SEMA3A: variants seen among roughly 807,000 people sequenced by gnomAD.
The protein encoded by SEMA3A is semaphorin-3A.
In SEMA3A, 29 loss-of-function variants were observed where a neutral mutation model predicts 97.9. That is an observed-to-expected ratio of 0.30 (90% confidence interval 0.22 to 0.40). The LOEUF (loss-of-function observed/expected upper bound fraction) is 0.40, where lower values mean the gene tolerates loss of function less well. Ranked by LOEUF, SEMA3A falls within the 10% of genes least tolerant of loss-of-function variation. The pLI is 1.00. For synonymous variants in SEMA3A, 321 were observed against 323.7 expected, an observed-to-expected ratio of 0.99 and a Z score of 0.09; for missense variants, 763 against 951.3, an observed-to-expected ratio of 0.80 and a Z score of 2.60.
chr7:84,267,050 A>C (rs2115685910), intron 3 of SEMA3A, among the ~76,000 whole-genome samples: 1 of 152,296 alleles, frequency 6.6e-6, no homozygotes, highest in South Asian at 2.1e-4. Context: ...CATACACGTT[A>C]CTAAGCACAC....
At chr7:84,404,018 C>G (rs1315901457) in intron 1 of SEMA3A, among the ~76,000 whole-genome samples, 1 of 152,158 alleles carries the variant, frequency 6.6e-6, no homozygotes, top group Admixed American at 6.5e-5. Context: ...CAGCTCCTCA[C>G]CAGCAACAGA....
intron 1 of SEMA3A, among the ~76,000 whole-genome samples, chr7:84,405,425 G>C (rs1214395338): frequency 6.6e-6 from 1 of 152,134 alleles, no homozygotes; most frequent in Non-Finnish European, 1.5e-5. Context: ...AAGAGACTTA[G>C]ACTCCCACAC....
At chr7:84,210,759 A>C (rs1798606878) in intron 3 of SEMA3A, among the ~76,000 whole-genome samples, 1 of 151,508 alleles carries the variant, frequency 6.6e-6, no homozygotes. Context: ...AAAGGTATTT[A>C]TTATTTACAC....
At chr7:84,137,162 A>G (rs2116055488) in intron 1 of SEMA3A, among the ~76,000 whole-genome samples, 1 of 152,184 alleles carries the variant, frequency 6.6e-6, no homozygotes, top group Middle Eastern at 3.4e-3. Flanking sequence ...GCACTTTGGT[A>G]GTCCAAGGCG....
intron 1 of SEMA3A, among the ~76,000 whole-genome samples, chr7:84,411,085 G>T (rs772754413): frequency 2.6e-5 from 4 of 151,932 alleles, no homozygotes; most frequent in Non-Finnish European, 5.9e-5. Context: ...CTGTGTGTGG[G>T]TATATGTTTA....
At chr7:84,356,364 A>G (rs1009303525) in intron 2 of SEMA3A, among the ~76,000 whole-genome samples, 1 of 151,582 alleles carries the variant, frequency 6.6e-6, no homozygotes, top group Admixed American at 6.6e-5. Flanking sequence ...CAATAATGAA[A>G]TCCAAAATTA....
chr7:84,110,698 T>G (rs1358536972), intron 3 of SEMA3A, 109 bp from the exon 4 acceptor site: 1 of 1,299,260 alleles, frequency 7.7e-7, no homozygotes, highest in African/African-American at 1.5e-5. Context: ...TCTTTCTTTT[T>G]TTTTTTTTGG....
At chr7:84,266,680 G>A (rs1298733184) in intron 3 of SEMA3A, among the ~76,000 whole-genome samples, 1 of 152,108 alleles carries the variant, frequency 6.6e-6, no homozygotes, top group African/African-American at 2.4e-5. Context: ...GAAGGAAATC[G>A]CTTTAGCTGG....
intron 1 of SEMA3A, among the ~76,000 whole-genome samples, chr7:84,481,571 T>A (rs1195403287): frequency 6.6e-6 from 1 of 152,186 alleles, no homozygotes; most frequent in Non-Finnish European, 1.5e-5. Flanking sequence ...AAAAGGAATA[T>A]GAAATAATTG....
intron 3 of SEMA3A, among the ~76,000 whole-genome samples, chr7:84,224,803 C>T (rs755369099): frequency 2.0e-5 from 3 of 151,976 alleles, no homozygotes; most frequent in Non-Finnish European, 2.9e-5. Flanking sequence ...TATAGACAGA[C>T]CTTTTTCCCA....
chr7:84,178,883 T>A (rs1454452919), intron 1 of SEMA3A, among the ~76,000 whole-genome samples: 1 of 152,156 alleles, frequency 6.6e-6, no homozygotes, highest in African/African-American at 2.4e-5. Context: ...CAGATGCTGG[T>A]GACACTTTCT....
At position 84,187,494 on chromosome 7, in the gene SEMA3A, C is replaced by A. The variant is rs2116256672; in HGVS notation, c.112+6981G>T. Among the ~76,000 whole-genome samples the A allele has an allele frequency of 1.3e-5, 2 of 152,176 alleles. 1 individual carries two copies. The highest frequency in any genetic ancestry group is 1.3e-4 in the Admixed American group (2 of 15,246). On this transcript the variant is annotated intron_variant, in intron 1 of 16. Coordinates refer to ENST00000265362, the MANE Select transcript of SEMA3A (RefSeq NM_006080.3). ...ATGTTTCCTATCTCTTAGCTGCAGA[C>A]TAACAAATATGACCTGGATATTTTC...
intron 5 of SEMA3A, among the ~76,000 whole-genome samples, chr7:84,048,867 C>G (rs998436411): frequency 1.8e-4 from 28 of 151,804 alleles, no homozygotes; most frequent in African/African-American, 6.5e-4. Flanking sequence ...AAAGTCTATT[C>G]AAGAGGCAGC....
intron 9 of SEMA3A, among the ~76,000 whole-genome samples, chr7:84,009,042 G>T (rs1345944244): frequency 6.6e-6 from 1 of 152,162 alleles, no homozygotes; most frequent in Non-Finnish European, 1.5e-5. Context: ...ACATAAAGAG[G>T]TGAAATTATT....
chr7:84,433,971 A>T, intron 1 of SEMA3A, among the ~76,000 whole-genome samples: 2 of 152,088 alleles, frequency 1.3e-5, no homozygotes, highest in East Asian at 3.9e-4. Context: ...TCTGGATATT[A>T]GCCCTTTGTC....
At chr7:84,050,197 C>G (rs1417515657) in intron 5 of SEMA3A, among the ~76,000 whole-genome samples, 1 of 152,052 alleles carries the variant, frequency 6.6e-6, no homozygotes, top group Non-Finnish European at 1.5e-5. Context: ...GTCTTTATAG[C>G]AGCATGATTT....
chr7:84,402,522 A>G (rs1457021747), intron 1 of SEMA3A, among the ~76,000 whole-genome samples: 1 of 152,214 alleles, frequency 6.6e-6, no homozygotes, highest in Admixed American at 6.5e-5. Context: ...GGAAATCAGT[A>G]TATCAAAGAG....
intron 1 of SEMA3A, among the ~76,000 whole-genome samples, chr7:84,149,436 A>G (rs1379146943): frequency 6.6e-6 from 1 of 152,160 alleles, no homozygotes; most frequent in Non-Finnish European, 1.5e-5. Flanking sequence ...AATGAAGCTA[A>G]AATTCCAGCT....
At chr7:84,269,072 A>G (rs1800080815) in intron 3 of SEMA3A, among the ~76,000 whole-genome samples, 1 of 152,076 alleles carries the variant, frequency 6.6e-6, no homozygotes, top group African/African-American at 2.4e-5. Flanking sequence ...TCTCTCAGAA[A>G]TTATTTCTCC....
Sources: allele counts gnomAD v4.1 joint callset (sites outside exome capture counted in the v4.1 genomes callset), GRCh38; gene constraint gnomAD v4.1.1; transcripts MANE v1.5; gene names NCBI Gene and HGNC (gene_info 2026-07-23, HGNC 2026-07-21).